Variants in NRXN3 observed in about 807,000 individuals in gnomAD.
The protein encoded by NRXN3 is neurexin III.
Under a neutral mutation model 137.6 loss-of-function variants are expected in NRXN3, and 32 were observed. That is an observed-to-expected ratio of 0.23 (90% confidence interval 0.18 to 0.31). The LOEUF is 0.31. NRXN3 is among the 10% of genes least tolerant of loss of function. The pLI is 1.00. For synonymous variants in NRXN3, 798 were observed against 784.5 expected (o/e 1.02, Z -0.29); for missense variants, 1,574 against 2,062.5 (o/e 0.76, Z 4.59).
intron 4 of NRXN3, among the ~76,000 whole-genome samples, chr14:78,345,166 G>A (rs528570955): frequency 5.5e-4 from 84 of 152,032 alleles, no homozygotes; most frequent in Non-Finnish European, 9.6e-4. Flanking sequence ...ACACTTGGGG[G>A]GCAGCTGTTA....
At chr14:78,586,151 C>A (rs1448277855) in intron 4 of NRXN3, among the ~76,000 whole-genome samples, 1 of 152,196 alleles carries the variant, frequency 6.6e-6, no homozygotes, top group East Asian at 1.9e-4. Flanking sequence ...TGTTGAGCTA[C>A]AACAGGAGAG....
At chr14:79,212,192 G>C (rs2067776841) in intron 15 of NRXN3, among the ~76,000 whole-genome samples, 1 of 152,168 alleles carries the variant, frequency 6.6e-6, no homozygotes, top group Admixed American at 6.6e-5. Flanking sequence ...TTGTGTTTGG[G>C]CTGCGGCTTT....
At chr14:78,635,736 A>C (rs1240194637) in intron 4 of NRXN3, among the ~76,000 whole-genome samples, 1 of 152,088 alleles carries the variant, frequency 6.6e-6, no homozygotes, top group African/African-American at 2.4e-5. Flanking sequence ...CAAGGGTGAA[A>C]GGATATGTAA....
At chr14:79,450,280 A>G (rs538471250) in intron 15 of NRXN3, among the ~76,000 whole-genome samples, 19 of 152,228 alleles carry the variant, frequency 1.2e-4, no homozygotes, top group African/African-American at 4.3e-4. Context: ...CAGAGGCCTC[A>G]GGTTGGGGGT....
intron 10 of NRXN3, among the ~76,000 whole-genome samples, chr14:78,829,233 T>C (rs1331304809): frequency 6.6e-6 from 1 of 152,184 alleles, no homozygotes; most frequent in African/African-American, 2.4e-5. Context: ...ATCCTTTCTT[T>C]TGTTCTTAGT....
chr14:79,449,442 C>G (rs2153583062), intron 15 of NRXN3, among the ~76,000 whole-genome samples: 1 of 152,098 alleles, frequency 6.6e-6, no homozygotes, highest in East Asian at 1.9e-4. Flanking sequence ...AAAAAAAATG[C>G]CATAAAGCTC....
chr14:79,636,331 G>T (rs533449973), intron 16 of NRXN3, among the ~76,000 whole-genome samples: 1 of 152,276 alleles, frequency 6.6e-6, no homozygotes, highest in South Asian at 2.1e-4. Flanking sequence ...CCAATATGCT[G>T]CAGTCTGGGA....
intron 6 of NRXN3, among the ~76,000 whole-genome samples, chr14:78,663,888 G>A (rs1037391034): frequency 1.3e-5 from 2 of 152,150 alleles, no homozygotes; most frequent in Non-Finnish European, 2.9e-5. Flanking sequence ...TACCTACAGG[G>A]ATAAAGCAAT....
chr14:78,189,674 C>T (rs1183654061), intron 1 of NRXN3, among the ~76,000 whole-genome samples: 3 of 152,180 alleles, frequency 2.0e-5, no homozygotes, highest in East Asian at 1.9e-4. Context: ...GCAACCTCCA[C>T]TTCCGGGTTT....
At chr14:79,078,699 TATA>T (rs1273152502) in intron 15 of NRXN3, among the ~76,000 whole-genome samples, 2 of 152,196 alleles carry the variant, frequency 1.3e-5, no homozygotes, top group African/African-American at 4.8e-5. Flanking sequence ...CCCCCTTGGG[TATA>T]ATTTTATTTA....
chr14:79,581,792 T>C (rs747789422), intron 16 of NRXN3, among the ~76,000 whole-genome samples: 3 of 151,398 alleles, frequency 2.0e-5, no homozygotes, highest in Non-Finnish European at 4.4e-5. Context: ...CACCAACACA[T>C]TGTAAACTCT....
chr14:79,499,672 G>A (rs1156920357), intron 16 of NRXN3, among the ~76,000 whole-genome samples: 1 of 152,106 alleles, frequency 6.6e-6, no homozygotes, highest in Admixed American at 6.5e-5. Context: ...TAAAGGATTG[G>A]AGCAATGAAT....
chr14:78,814,476 G>A (rs1401659445), intron 10 of NRXN3, among the ~76,000 whole-genome samples: 1 of 152,130 alleles, frequency 6.6e-6, no homozygotes, highest in Non-Finnish European at 1.5e-5. Flanking sequence ...TTAGCCGGGT[G>A]TGGTGGTGTG....
chr14:79,708,724 AC>A (rs1269560896), intron 19 of NRXN3, among the ~76,000 whole-genome samples: 1 of 151,998 alleles, frequency 6.6e-6, no homozygotes, highest in Non-Finnish European at 1.5e-5. Context: ...GCCTTTTGAA[AC>A]CTTCTAATTA....
chr14:78,660,501 A>G lies in NRXN3; in HGVS notation c.1221+9175A>G, dbSNP rs1264208320. Among the ~76,000 whole-genome samples the G allele has an allele frequency of 2.0e-5, 3 of 152,078 alleles. No individual in the cohort carries two copies. In the East Asian group the frequency reaches 5.8e-4, roughly 29 times the overall value. The stretch of plus-strand genomic sequence containing the variant: ...TCCTAAACCAATTTGGATCCATAAC[A>G]TACAGGCTCAGAAGTTTTGTCTATA... On this transcript the variant is annotated intron_variant, in intron 6 of 20. Coordinates refer to ENST00000335750, the MANE Select transcript of NRXN3 (RefSeq NM_001330195.2).
intron 3 of NRXN3, among the ~76,000 whole-genome samples, chr14:78,291,549 T>C (rs1243438755): frequency 6.6e-6 from 1 of 152,176 alleles, no homozygotes; most frequent in Non-Finnish European, 1.5e-5. Context: ...ACATGACTTT[T>C]TTTCCCTTTT....
intron 10 of NRXN3, among the ~76,000 whole-genome samples, chr14:78,922,070 C>T (rs1034763277): frequency 3.9e-5 from 6 of 152,168 alleles, no homozygotes; most frequent in Non-Finnish European, 7.3e-5. Flanking sequence ...CTGGTGATTT[C>T]GCTATCAACT....
In NRXN3 at chr14:78,969,248, A is replaced by G. The variant is rs532225666; in HGVS notation, c.3142+902A>G. Among the ~76,000 whole-genome samples the G allele has an allele frequency of 8.5e-5, 13 of 152,298 alleles. No homozygotes were observed. The South Asian group carries it at 2.5e-3, about 29-fold the overall frequency. The stretch of plus-strand genomic sequence containing the variant: ...GATCCACTGTCTCTTGAGATACTAA[A>G]TGAATTTTACAGGTCTTCCTGAATC... On this transcript the variant is annotated intron_variant, in intron 14 of 20. Coordinates refer to ENST00000335750, the MANE Select transcript of NRXN3 (RefSeq NM_001330195.2).
chr14:79,854,315 T>G (rs1397371036), intron 20 of NRXN3: 4 of 208,080 alleles, frequency 1.9e-5, no homozygotes, highest in Non-Finnish European at 3.4e-5. Context: ...GCTTCTATTT[T>G]TAATTTGCTT....
Sources: allele counts gnomAD v4.1 joint callset (sites outside exome capture counted in the v4.1 genomes callset), GRCh38; gene constraint gnomAD v4.1.1; transcripts MANE v1.5; gene names NCBI Gene and HGNC (gene_info 2026-07-23, HGNC 2026-07-21).